NRG4: variants seen among roughly 807,000 people sequenced by gnomAD.
NRG4 encodes the protein pro-neuregulin-4, membrane-bound isoform.
NRG4 carries 10 observed loss-of-function variants against 15.0 expected under a neutral mutation model. The observed-to-expected ratio is 0.67, with a 90% CI of 0.41 to 1.13. The LOEUF (loss-of-function observed/expected upper bound fraction) is 1.13, where lower values mean the gene tolerates loss of function less well. Ranked by LOEUF, NRG4 falls within the 50% of genes most tolerant of loss-of-function variation. The pLI, the probability that NRG4 is intolerant of heterozygous loss-of-function variation, is 0.00. For synonymous variants in NRG4, 41 were observed against 50.1 expected (o/e 0.82, Z 0.77); for missense variants, 139 against 140.2 (o/e 0.99, Z 0.04).
At chr15:76,037,982 G>C (rs180868388) in intron 4 of NRG4, among the ~76,000 whole-genome samples, 2 of 152,236 alleles carry the variant, frequency 1.3e-5, no homozygotes, top group South Asian at 2.1e-4. Flanking sequence ...TAGCTCCCCA[G>C]ATGACATTTC....
At chr15:75,980,197 AAAT>A (rs1595982717) in intron 3 of NRG4, among the ~76,000 whole-genome samples, 1 of 152,198 alleles carries the variant, frequency 6.6e-6, no homozygotes, top group Non-Finnish European at 1.5e-5. Flanking sequence ...TTCAGAACAA[AAAT>A]AAATGGAAAA....
chr15:75,943,578 G>T lies in NRG4; in HGVS notation c.*60C>A. 6 of 984,960 alleles carry T rather than the reference G, an allele frequency of 6.1e-6. No individual in the cohort carries two copies. Among genetic ancestry groups the T allele is most frequent in the African/African-American group, 1.6e-5 (1 of 62,056 alleles). 61.0% of individuals were successfully genotyped at this position (984,960 alleles called of 1,614,324 possible). A position where few individuals can be genotyped will look rare whatever the true frequency, so the allele number is the denominator to read the frequency against. On this transcript the variant is annotated 3_prime_UTR_variant, in exon 6 of 6. Transcript: ENST00000394907. The stretch of plus-strand genomic sequence containing the variant: ...AGATTTTTAATTCTTTTACCTAGTG[G>T]TGTTTCATTTTCTGCCTTTGTAAAA...
intron 3 of NRG4, among the ~76,000 whole-genome samples, chr15:76,000,508 A>G (rs200196878): frequency 6.6e-6 from 1 of 152,194 alleles, no homozygotes; most frequent in East Asian, 1.9e-4. Context: ...TTGACATAGT[A>G]GTTTGACAAT....
At chr15:76,024,328 A>G (rs1170301878) in intron 5 of NRG4, among the ~76,000 whole-genome samples, 1 of 152,192 alleles carries the variant, frequency 6.6e-6, no homozygotes, top group Non-Finnish European at 1.5e-5. Flanking sequence ...TCTACCAGAC[A>G]TGCACCCAGG....
rs529584758 is a variant in NRG4, at chr15:75,969,240, A to G, written c.105-7266T>C. On this transcript the variant is annotated intron_variant, in intron 3 of 5. Coordinates refer to ENST00000394907, the MANE Select transcript of NRG4 (RefSeq NM_138573.4). ...AGTTCACTTCCTGACAAAAGAAGTTAAGTATTAGAGCTGGGCAAAAGTCAC... is the reference window on the plus strand; with the variant it reads ...AGTTCACTTCCTGACAAAAGAAGTTGAGTATTAGAGCTGGGCAAAAGTCAC... 2.2e-5 allele frequency: 10 copies of G among 456,164 alleles called. No homozygotes were observed. In the Admixed American group the frequency reaches 2.3e-4, roughly 11 times the overall value. The allele number at this position is 456,164 out of a possible 1,614,324, so 28.3% of individuals were successfully genotyped here.
chr15:75,976,936 C>G (rs561668693), intron 3 of NRG4, among the ~76,000 whole-genome samples: 136 of 152,286 alleles, frequency 8.9e-4, no homozygotes, highest in African/African-American at 3.1e-3. Flanking sequence ...CCACAGCTGC[C>G]CTTCCTGCAG....
intron 3 of NRG4, among the ~76,000 whole-genome samples, chr15:75,994,323 C>G (rs2034132494): frequency 6.6e-6 from 1 of 151,910 alleles, no homozygotes; most frequent in South Asian, 2.1e-4. Context: ...ACTCAGGCTC[C>G]CCCTCTGTGG....
Position 75,940,961 on chromosome 15 carries a change from T to C in NRG4, c.*2677A>G, listed in dbSNP as rs1329389201. The C allele has an allele frequency of 6.6e-6, 1 of 152,124 alleles. No homozygotes were observed. The highest frequency in any genetic ancestry group is 1.5e-5 in the Non-Finnish European group (1 of 67,982). The allele number at this position is 152,124 out of a possible 1,614,324, so 9.4% of individuals were successfully genotyped here. A position where few individuals can be genotyped will look rare whatever the true frequency, so the allele number is the denominator to read the frequency against. On this transcript the variant is annotated 3_prime_UTR_variant, in exon 6 of 6. Transcript: ENST00000394907. Reference sequence around the variant, plus strand: ...TAGGCAAATTATACTTCATTAAAATTTTGTGCATCAAAGAACACTATCAAC... The same window carrying C: ...TAGGCAAATTATACTTCATTAAAATCTTGTGCATCAAAGAACACTATCAAC...
chr15:76,033,934 G>A (rs2035537700), intron 5 of NRG4, among the ~76,000 whole-genome samples: 1 of 152,154 alleles, frequency 6.6e-6, no homozygotes, highest in African/African-American at 2.4e-5. Flanking sequence ...AATTTTTATG[G>A]TGAAAATAAG....
chr15:75,935,680 C>G (rs1464943378), downstream of NRG4: 2 of 151,334 alleles, frequency 1.3e-5, no homozygotes, highest in African/African-American at 4.9e-5. Context: ...AACCCTAACC[C>G]TCAACCTACG....
intron 3 of NRG4, among the ~76,000 whole-genome samples, chr15:75,967,070 C>T (rs572801164): frequency 2.0e-5 from 3 of 147,578 alleles, no homozygotes; most frequent in African/African-American, 5.0e-5. Context: ...GCTGAGATCG[C>T]GCCGCTGCAC....
At chr15:75,980,500 G>A (rs533337268) in intron 3 of NRG4, among the ~76,000 whole-genome samples, 95 of 151,590 alleles carry the variant, frequency 6.3e-4, no homozygotes, top group Admixed American at 2.4e-3. Flanking sequence ...TACTCAACCT[G>A]TATAATCAAA....
upstream of NRG4, among the ~76,000 whole-genome samples, chr15:76,017,155 CTTTTTT>C (rs66838505): frequency 0.013 from 670 of 52,338 alleles, 10 homozygotes; most frequent in African/African-American, 0.035. Flanking sequence ...CAACCCCTGC[CTTTTTT>C]TTTTTTTTTT....
At chr15:75,965,844 T>C (rs189468639) in intron 3 of NRG4, among the ~76,000 whole-genome samples, 1 of 152,352 alleles carries the variant, frequency 6.6e-6, no homozygotes, top group Admixed American at 6.5e-5. Flanking sequence ...AAAGAGGTCA[T>C]GTTGCACCAG....
intron 4 of NRG4, among the ~76,000 whole-genome samples, chr15:75,956,466 A>G (rs1050602870): frequency 1.3e-5 from 2 of 151,990 alleles, no homozygotes; most frequent in African/African-American, 2.4e-5. Flanking sequence ...AGGTAACAGT[A>G]CATCAGGTTT....
intron 3 of NRG4, among the ~76,000 whole-genome samples, chr15:76,003,212 A>C (rs1314461940): frequency 2.0e-5 from 3 of 152,200 alleles, no homozygotes; most frequent in Non-Finnish European, 4.4e-5. Flanking sequence ...CTTTCATAGA[A>C]TTAACAGATC....
At chr15:76,026,643 G>T (rs1468841833) in intron 5 of NRG4, among the ~76,000 whole-genome samples, 1 of 152,050 alleles carries the variant, frequency 6.6e-6, no homozygotes, top group Non-Finnish European at 1.5e-5. Context: ...AAAGAGAAAG[G>T]ATTCAAACCA....
upstream of NRG4, among the ~76,000 whole-genome samples, chr15:76,015,983 T>C (rs540785630): frequency 6.6e-6 from 1 of 152,292 alleles, no homozygotes; most frequent in South Asian, 2.1e-4. Context: ...TCCTGGACTT[T>C]TTTTGGTTGG....
intron 4 of NRG4, chr15:75,959,026 G>T: frequency 4.9e-6 from 1 of 205,062 alleles, no homozygotes; most frequent in South Asian, 5.5e-5. Context: ...TCTCACCCAG[G>T]CAGGAGTGCA....
Sources: gnomAD v4.1 joint callset for allele counts (sites outside exome capture counted in the v4.1 genomes callset) on GRCh38, gnomAD v4.1.1 for gene constraint, MANE v1.5 for transcripts, NCBI Gene and HGNC (gene_info 2026-07-23, HGNC 2026-07-21) for gene names.